The following PUS10 variants were observed in gnomAD, a reference collection of about 807,000 sequenced individuals.
PUS10 encodes tRNA pseudouridine synthase Pus10.
PUS10 carries 59 observed loss-of-function variants against 75.0 expected under a neutral mutation model. That is an observed-to-expected ratio of 0.79 (90% CI 0.64 to 0.98). PUS10 has a LOEUF of 0.98. Among genes scored for constraint, PUS10 ranks in the 50% least tolerant of loss-of-function variants. The pLI, the probability that PUS10 is intolerant of heterozygous loss-of-function variation, is 0.00. For missense variants in PUS10, 650 were observed against 614.4 expected, an observed-to-expected ratio of 1.06 and a Z score of -0.61; for synonymous variants, 219 against 211.6, an observed-to-expected ratio of 1.03 and a Z score of -0.30.
chr2:60,988,962 C>T (rs558195395), intron 4 of PUS10, among the ~76,000 whole-genome samples: 13 of 152,026 alleles, frequency 8.6e-5, no homozygotes, highest in African/African-American at 2.2e-4. Flanking sequence ...TTTTGTTAAG[C>T]CCCTAAAACA....
rs566896852 is a variant in PUS10, at chr2:61,017,632, C to T, written c.-16+376G>A. 129 of 676,736 alleles carry T rather than the reference C, an allele frequency of 1.9e-4. 1 individual carries two copies. The South Asian group carries it at 2.3e-3, about 12-fold the overall frequency. 41.9% of individuals were successfully genotyped at this position (676,736 alleles called of 1,614,324 possible). A position where few individuals can be genotyped will look rare whatever the true frequency, so the allele number is the denominator to read the frequency against. The stretch of plus-strand genomic sequence containing the variant: ...GCTGGCAAAGTAACTCAAGCCTTGT[C>T]CTGACTGCAAGGGTGGGCGGGGTGG... On this transcript the variant is annotated intron_variant, in intron 1 of 17. Coordinates refer to ENST00000316752, the MANE Select transcript of PUS10 (RefSeq NM_144709.4).
chr2:60,950,305 T>G (rs902470674), intron 15 of PUS10, among the ~76,000 whole-genome samples: 2 of 152,248 alleles, frequency 1.3e-5, no homozygotes, highest in Non-Finnish European at 2.9e-5. Flanking sequence ...TCTCATGTCA[T>G]AAGTGCTCCT....
chr2:60,953,233 A>G, intron 14 of PUS10, 119 bp from the exon 15 acceptor site: 1 of 648,128 alleles, frequency 1.5e-6, no homozygotes, highest in East Asian at 2.6e-5. Context: ...TAACTGTACA[A>G]TTCAATGATT....
chr2:60,944,688 T>C (rs1193383474), intron 17 of PUS10, among the ~76,000 whole-genome samples: 2 of 152,244 alleles, frequency 1.3e-5, no homozygotes, highest in African/African-American at 4.8e-5. Context: ...TGTTTCTGAA[T>C]ATGCTGCTTT....
In PUS10 at chr2:60,953,097, A is replaced by G. The variant is rs771875489; in HGVS notation, c.1208T>C (p.Met403Thr). The G allele has an allele frequency of 2.0e-5, 32 of 1,592,484 alleles. No individual in the cohort carries two copies. The highest frequency in any genetic ancestry group is 5.4e-5 in the African/African-American group (4 of 74,476). ...TGTCTTTTCTTCTTCACCTTCTTTCATATGTCCTATTGCCTCTCTAAACAA... is the reference window on the plus strand; with the variant it reads ...TGTCTTTTCTTCTTCACCTTCTTTCGTATGTCCTATTGCCTCTCTAAACAA... ...QLVTREAIGHMKEGEEEKTKT... is the reference protein window; with the variant it reads ...QLVTREAIGHTKEGEEEKTKT... Residue 403 changes from methionine to threonine, a missense_variant, in exon 15 of 18, where the codon ATG becomes ACG. Transcript: ENST00000316752.
At position 60,954,251 on chromosome 2, in the gene PUS10, T is replaced by C; in HGVS notation, c.1058-93A>G. 3 of 1,188,918 alleles carry C rather than the reference T, an allele frequency of 2.5e-6. No individual in the cohort carries two copies. In the Admixed American group the frequency reaches 5.7e-5, roughly 23 times the overall value. 73.6% of individuals were successfully genotyped at this position (1,188,918 alleles called of 1,614,324 possible). On this transcript the variant is annotated intron_variant, in intron 12 of 17. Coordinates refer to ENST00000316752, the MANE Select transcript of PUS10 (RefSeq NM_144709.4). Reference sequence around the variant, plus strand: ...AGGGTTAGGAGGTGTGAAAAGTGGGTTGAGCTCTAGAGGACTGAAAGTTTA... The same window carrying C: ...AGGGTTAGGAGGTGTGAAAAGTGGGCTGAGCTCTAGAGGACTGAAAGTTTA...
At chr2:61,010,260 T>C (rs968879145) in intron 2 of PUS10, 2 of 154,654 alleles carry the variant, frequency 1.3e-5, no homozygotes, top group East Asian at 3.7e-4. Context: ...ATATTGTGTA[T>C]AAATGAATAT....
chr2:60,995,500 A>G (rs1040317853), intron 4 of PUS10, among the ~76,000 whole-genome samples: 3 of 152,252 alleles, frequency 2.0e-5, no homozygotes, highest in Non-Finnish European at 2.9e-5. Context: ...TGGTGGTATC[A>G]GAAAAAAGGA....
At position 60,948,125 on chromosome 2, in the gene PUS10, G is replaced by T; in HGVS notation, c.1369C>A (p.Arg457=). Residue 457 remains arginine (R), a synonymous_variant, in exon 16 of 18, where the codon CGA becomes AGA. Transcript: ENST00000316752. ...TCCATGAAGTGAATGACGCGAGCTC[G>T]CACAGCCAGGGGCCTTCGGTGAAGG... ...RVLHRRPLAV[R]ARVIHFMETQ... is the part of the protein sequence containing the mutation. 6.2e-7 allele frequency: 1 copy of T among 1,614,078 alleles called. No individual in the cohort carries two copies. The highest frequency in any genetic ancestry group is 8.5e-7 in the Non-Finnish European group (1 of 1,180,002).
intron 4 of PUS10, among the ~76,000 whole-genome samples, chr2:60,981,843 G>C (rs751224725): frequency 6.6e-6 from 1 of 152,040 alleles, no homozygotes; most frequent in Non-Finnish European, 1.5e-5. Flanking sequence ...AAAAGAATGA[G>C]AGTGAAAAAA....
chr2:60,942,494 T>A, intron 17 of PUS10, 61 bp from the exon 18 acceptor site: 3 of 1,270,036 alleles, frequency 2.4e-6, no homozygotes, highest in Non-Finnish European at 3.5e-6. Context: ...CATTTGCTGG[T>A]AATGCTGTAT....
At chr2:61,009,739 C>T (rs1163232254) in intron 2 of PUS10, 1 of 152,204 alleles carries the variant, frequency 6.6e-6, no homozygotes, top group Non-Finnish European at 1.5e-5. Flanking sequence ...GGATTTTCCT[C>T]TGTTTTGTTT....
chr2:60,968,606 G>A (rs903880750), intron 5 of PUS10, among the ~76,000 whole-genome samples: 1 of 151,046 alleles, frequency 6.6e-6, no homozygotes, highest in Non-Finnish European at 1.5e-5. Flanking sequence ...GCTGAATTTA[G>A]TTGATCAGAA....
At chr2:61,013,582 C>T (rs1193712300) in intron 1 of PUS10, among the ~76,000 whole-genome samples, 10 of 152,292 alleles carry the variant, frequency 6.6e-5, no homozygotes. Context: ...GCCTTTTCTC[C>T]CATTAATCAA....
chr2:61,016,851 T>C (rs749846672), intron 1 of PUS10, among the ~76,000 whole-genome samples: 20 of 152,236 alleles, frequency 1.3e-4, no homozygotes, highest in Middle Eastern at 3.4e-3. Context: ...AAGGGTGTCA[T>C]TCGTAACGCG....
intron 6 of PUS10, chr2:60,965,756 A>T: frequency 4.0e-6 from 1 of 252,084 alleles, no homozygotes; most frequent in Non-Finnish European, 7.5e-6. Flanking sequence ...AAATGTGTAA[A>T]TTAGGTATAA....
chr2:60,956,092 T>TA (rs61671076), intron 11 of PUS10, among the ~76,000 whole-genome samples: 2,474 of 141,864 alleles, frequency 0.017, 79 homozygotes, highest in African/African-American at 0.06. Flanking sequence ...AGGAGAAAAT[T>TA]AAAAAAAAAA....
chr2:61,015,621 C>A (rs1011407022), intron 1 of PUS10, among the ~76,000 whole-genome samples: 1 of 152,200 alleles, frequency 6.6e-6, no homozygotes, highest in African/African-American at 2.4e-5. Flanking sequence ...ATCGCCCGAA[C>A]CCAGGAGGCA....
chr2:60,963,915 G>A (rs1190951478), intron 8 of PUS10, among the ~76,000 whole-genome samples: 2 of 152,182 alleles, frequency 1.3e-5, no homozygotes, highest in East Asian at 1.9e-4. Context: ...ATTTCCTTAA[G>A]GGTAAATAAA....
Sources: allele counts gnomAD v4.1 joint callset (sites outside exome capture counted in the v4.1 genomes callset), GRCh38; gene constraint gnomAD v4.1.1; transcripts MANE v1.5; gene names NCBI Gene and HGNC (gene_info 2026-07-23, HGNC 2026-07-21).